Variants in FAM210B observed in about 807,000 individuals in gnomAD.
The protein encoded by FAM210B is mitochondrial inner membrane scaffold 2.
In FAM210B, 11 loss-of-function variants were observed where a neutral mutation model predicts 14.9. The observed-to-expected ratio is 0.74, with a 90% confidence interval of 0.46 to 1.22. The LOEUF (loss-of-function observed/expected upper bound fraction) is 1.22, where lower values mean the gene tolerates loss of function less well. Ranked by LOEUF, FAM210B falls within the 50% of genes most tolerant of loss-of-function variation. FAM210B has a pLI of 0.00. For synonymous variants in FAM210B, 113 were observed against 110.2 expected, an observed-to-expected ratio of 1.03 and a Z score of -0.16; for missense variants, 229 against 250.1, an observed-to-expected ratio of 0.92 and a Z score of 0.57.
rs1340345161 is a variant in FAM210B at position 56,367,104 on chromosome 20, C to T, written c.*817C>T. The stretch of plus-strand genomic sequence containing the variant: ...ACAATCTTCTATCTCAAACTTCAGA[C>T]ATTCCAGAATTGTCATGATGTTTAC... On this transcript the variant is annotated 3_prime_UTR_variant, in exon 3 of 3. Coordinates refer to ENST00000371384, the MANE Select transcript of FAM210B (RefSeq NM_080821.3). 1 of 152,492 alleles carries T rather than the reference C, an allele frequency of 6.6e-6. No individual in the cohort carries two copies. Among genetic ancestry groups the T allele is most frequent in the East Asian group, 1.9e-4 (1 of 5,190 alleles). The allele number at this position is 152,492 out of a possible 1,614,324, so 9.4% of individuals were successfully genotyped here.
At chr20:56,365,419 C>T (rs147971594) in intron 2 of FAM210B, among the ~76,000 whole-genome samples, 157 bp downstream of exon 2, 127 of 152,140 alleles carry the variant, frequency 8.3e-4, no homozygotes, top group African/African-American at 3.0e-3. Flanking sequence ...ACTGCAGTCT[C>T]GACCTCCCTG....
chr20:56,361,063 CT>C (rs1455522748), intron 1 of FAM210B, among the ~76,000 whole-genome samples: 1 of 151,988 alleles, frequency 6.6e-6, no homozygotes, highest in Non-Finnish European at 1.5e-5. Context: ...AGAGACCTGC[CT>C]TTTTGTCTTA....
Position 56,359,198 on chromosome 20 carries a change from A to AC in FAM210B, c.186+11dup. ...GGACTGCCGCGGCCACCAGGTAAGCACCCCACCCCGACCCTGATCCCGGGC... is the reference window on the plus strand; with the variant it reads ...GGACTGCCGCGGCCACCAGGTAAGCACCCCCACCCCGACCCTGATCCCGGGC... On this transcript the variant is annotated splice_region_variant and intron_variant, in intron 1 of 2. Transcript: ENST00000371384. The surrounding 1 kb of genome is among the most constrained non-coding windows in gnomAD (Gnocchi z 4.3). The AC allele has an allele frequency of 8.1e-7, 1 of 1,231,276 alleles. No homozygotes were observed. The highest frequency in any genetic ancestry group is 1.0e-6 in the Non-Finnish European group (1 of 989,372). 76.3% of individuals were successfully genotyped at this position (1,231,276 alleles called of 1,614,324 possible).
chr20:56,359,056 G>C lies in FAM210B; in HGVS notation c.51G>C (p.Arg17=). The change falls in exon 1 of 3, where the codon CGG becomes CGC. Residue 17 remains arginine (R), a synonymous_variant. Transcript: ENST00000371384. This position sits in a 1 kb window ranked among gnomAD's most constrained non-coding sequence, Gnocchi z 4.3. ...GTCCGGCAGGCAGGGTGGGCGCCCG[G>C]GTCCGGCCTCGCGCCACCTGGCTCC... is the stretch of plus-strand genomic sequence containing the variant. ...LLGPAGRVGA[R]VRPRATWLLG... is the part of the protein sequence containing the mutation. 1 of 1,356,868 alleles carries C rather than the reference G, an allele frequency of 7.4e-7. No homozygotes were observed. Among genetic ancestry groups the C allele is most frequent in the Non-Finnish European group, 9.5e-7 (1 of 1,049,120 alleles). The allele number at this position is 1,356,868 out of a possible 1,614,324, so 84.1% of individuals were successfully genotyped here. A position where few individuals can be genotyped will look rare whatever the true frequency, so the allele number is the denominator to read the frequency against.
At chr20:56,365,398 G>A in intron 2 of FAM210B, 136 bp downstream of exon 2, 1 of 912,832 alleles carries the variant, frequency 1.1e-6, no homozygotes, top group Non-Finnish European at 1.6e-6. Context: ...GCAGTGGCAT[G>A]ATCACAGCTC....
intron 2 of FAM210B, 69 bp downstream of exon 2, chr20:56,365,331 T>C: frequency 6.5e-7 from 1 of 1,536,272 alleles, no homozygotes; most frequent in Non-Finnish European, 8.8e-7. Context: ...AATAAGAACG[T>C]GTTTGCTAAG....
chr20:56,364,684 C>T (rs1396882761), intron 1 of FAM210B, among the ~76,000 whole-genome samples: 1 of 152,116 alleles, frequency 6.6e-6, no homozygotes, highest in East Asian at 1.9e-4. Flanking sequence ...AAAGGGGTAA[C>T]TGATCCACGC....
chr20:56,359,056 G>A lies in FAM210B; in HGVS notation c.51G>A (p.Arg17=), dbSNP rs759161324. ...GTCCGGCAGGCAGGGTGGGCGCCCG[G>A]GTCCGGCCTCGCGCCACCTGGCTCC... ...LLGPAGRVGA[R]VRPRATWLLG... Residue 17 remains arginine (R), a synonymous_variant, in exon 1 of 3, where the codon CGG becomes CGA. Coordinates refer to ENST00000371384, the MANE Select transcript of FAM210B (RefSeq NM_080821.3). This position sits in a 1 kb window ranked among gnomAD's most constrained non-coding sequence, Gnocchi z 4.3. The A allele has an allele frequency of 1.5e-6, 2 of 1,356,760 alleles. No individual in the cohort carries two copies. The highest frequency in any genetic ancestry group is 1.6e-5 in the South Asian group (1 of 62,428). The allele number at this position is 1,356,760 out of a possible 1,614,324, so 84.0% of individuals were successfully genotyped here.
Position 56,363,282 on chromosome 20 carries a change from T to G in FAM210B, c.187-1805T>G. ...ACCAGTCCATGCTGCCAGTTAGCCG[T>G]CCCTCCCTCCTGAGCCTCAGTCATC... is the stretch of plus-strand genomic sequence containing the variant. On this transcript the variant is annotated intron_variant, in intron 1 of 2. Coordinates refer to ENST00000371384, the MANE Select transcript of FAM210B (RefSeq NM_080821.3). This position sits in a 1 kb window ranked among gnomAD's most constrained non-coding sequence, Gnocchi z 4.1. Among the ~76,000 whole-genome samples, 1 of 151,714 alleles carries G rather than the reference T, an allele frequency of 6.6e-6. No homozygotes were observed. The highest frequency in any genetic ancestry group is 1.9e-4 in the East Asian group (1 of 5,168).
At position 56,359,141 on chromosome 20, in the gene FAM210B, C is replaced by G. The variant is rs1569020403; in HGVS notation, c.136C>G (p.Leu46Val). Residue 46 changes from leucine (L) to valine (V), a missense_variant, in exon 1 of 3, where the codon CTA becomes GTA. By Grantham distance (32) the Leu-to-Val change is conservative. Transcript: ENST00000371384. This position sits in a 1 kb window ranked among gnomAD's most constrained non-coding sequence, Gnocchi z 4.3. Reference sequence around the variant, plus strand: ...GGCCCTGGCCCTGCTCCCGCCCAGGCTAGACGCCCGGCTGCTCCGCACGGC... The same window carrying G: ...GGCCCTGGCCCTGCTCCCGCCCAGGGTAGACGCCCGGCTGCTCCGCACGGC... The part of the protein sequence containing the change: ...PLALALLPPR[L>V]DARLLRTARG... The G allele has an allele frequency of 7.9e-7, 1 of 1,265,496 alleles. No homozygotes were observed. Among genetic ancestry groups the G allele is most frequent in the Non-Finnish European group, 9.9e-7 (1 of 1,012,428 alleles). The allele number at this position is 1,265,496 out of a possible 1,614,324, so 78.4% of individuals were successfully genotyped here.
At chr20:56,365,392 T>A in intron 2 of FAM210B, 130 bp downstream of exon 2, 1 of 960,614 alleles carries the variant, frequency 1.0e-6, no homozygotes, top group Non-Finnish European at 1.5e-6. Context: ...TGGAGTGCAG[T>A]GGCATGATCA....
rs982587936 is a variant in FAM210B, at chr20:56,359,182, C to G, written c.177C>G (p.Arg59=). Residue 59 remains arginine, a synonymous_variant, in exon 1 of 3, where the codon CGC becomes CGG. Coordinates refer to ENST00000371384, the MANE Select transcript of FAM210B (RefSeq NM_080821.3). The surrounding 1 kb of genome is among the most constrained non-coding windows in gnomAD (Gnocchi z 4.3). ...TCCGCACGGCGCGCGGGGACTGCCG[C>G]GGCCACCAGGTAAGCACCCCACCCC... ...RLLRTARGDC[R]GHQDPSQATG... is the part of the protein sequence containing the mutation. The G allele has an allele frequency of 1.6e-6, 2 of 1,236,454 alleles. No individual in the cohort carries two copies. The highest frequency in any genetic ancestry group is 2.0e-6 in the Non-Finnish European group (2 of 993,358). The allele number at this position is 1,236,454 out of a possible 1,614,324, so 76.6% of individuals were successfully genotyped here.
chr20:56,365,978 A>AT, intron 2 of FAM210B, 93 bp from the exon 3 acceptor site: 2 of 866,836 alleles, frequency 2.3e-6, no homozygotes, highest in East Asian at 2.5e-5. Context: ...ACTTCATTAC[A>AT]TTTTTTAAAA....
At chr20:56,365,998 TCTTATAGCCAAATC>T in intron 2 of FAM210B, 59 bp from the exon 3 acceptor site, 1 of 976,448 alleles carries the variant, frequency 1.0e-6, no homozygotes, top group Admixed American at 2.5e-5. Flanking sequence ...ATACTGTAAA[TCTTATAGCCAAATC>T]AATTTCTTCA....
At chr20:56,364,755 C>T (rs1240707911) in intron 1 of FAM210B, among the ~76,000 whole-genome samples, 2 of 152,094 alleles carry the variant, frequency 1.3e-5, no homozygotes, top group African/African-American at 4.8e-5. Context: ...GAGATCAAGA[C>T]CAACCTGGCT....
At chr20:56,364,920 C>T (rs1265798505) in intron 1 of FAM210B, among the ~76,000 whole-genome samples, 167 bp from the exon 2 acceptor site, 1 of 152,126 alleles carries the variant, frequency 6.6e-6, no homozygotes, top group Non-Finnish European at 1.5e-5. Flanking sequence ...TGCCACTGCA[C>T]TCCAGCCTGG....
chr20:56,361,839 T>C (rs1983538280), intron 1 of FAM210B, among the ~76,000 whole-genome samples: 1 of 151,776 alleles, frequency 6.6e-6, no homozygotes, highest in Non-Finnish European at 1.5e-5. Context: ...TAGCCGGGCA[T>C]AGTGGCACGT....
At position 56,362,222 on chromosome 20, in the gene FAM210B, C is replaced by T. The variant is rs955718082; in HGVS notation, c.187-2865C>T. 1.8e-4 allele frequency among the ~76,000 whole-genome samples: 27 copies of T among 152,248 alleles called. No individual in the cohort carries two copies. Among genetic ancestry groups the T allele is most frequent in the African/African-American group, 5.1e-4 (21 of 41,548 alleles). On this transcript the variant is annotated intron_variant, in intron 1 of 2. Transcript: ENST00000371384. This position sits in a 1 kb window ranked among gnomAD's most constrained non-coding sequence, Gnocchi z 4.8. The stretch of plus-strand genomic sequence containing the variant: ...CAGGTGTCACTCCAAACACTGCGAT[C>T]GGCTTGGCAAGGTCCTTGGCTCATT...
intron 1 of FAM210B, among the ~76,000 whole-genome samples, chr20:56,361,203 G>A (rs962249711): frequency 6.6e-6 from 1 of 152,126 alleles, no homozygotes; most frequent in Admixed American, 6.6e-5. Flanking sequence ...TTTTGTCTCC[G>A]TCAGTTCTGG....
Sources: allele counts gnomAD v4.1 joint callset (sites outside exome capture counted in the v4.1 genomes callset), GRCh38; gene constraint gnomAD v4.1.1; non-coding constraint Gnocchi (gnomAD v3.1); transcripts MANE v1.5; gene names NCBI Gene and HGNC (gene_info 2026-07-23, HGNC 2026-07-21).